MMP26: variants seen among roughly 807,000 people sequenced by gnomAD.
MMP26 encodes the protein matrix metallopeptidase 26.
MMP26 carries 33 observed loss-of-function variants against 31.0 expected under a neutral mutation model. The observed-to-expected ratio is 1.06, with a 90% confidence interval of 0.81 to 1.42. The LOEUF is 1.42. MMP26 is among the 40% of genes most tolerant of loss of function. MMP26 has a pLI of 0.00. For missense variants in MMP26, 347 were observed against 316.1 expected, an observed-to-expected ratio of 1.10 and a Z score of -0.74; for synonymous variants, 122 against 114.9, an observed-to-expected ratio of 1.06 and a Z score of -0.40.
intron 2 of MMP26, among the ~76,000 whole-genome samples, chr11:4,898,969 G>C: frequency 6.6e-6 from 1 of 151,962 alleles, no homozygotes; most frequent in Admixed American, 6.6e-5. Context: ...TGAGGCCTCT[G>C]TCAGTGCTAC....
At chr11:4,885,778 TATTATTCATTA>T (rs1268405433) in intron 2 of MMP26, among the ~76,000 whole-genome samples, 1 of 152,152 alleles carries the variant, frequency 6.6e-6, no homozygotes, top group East Asian at 1.9e-4. Context: ...ATTTACCTGC[TATTATTCATTA>T]TTCTCTATTA....
intron 2 of MMP26, among the ~76,000 whole-genome samples, chr11:4,791,724 A>T (rs1049644485): frequency 1.3e-5 from 2 of 152,164 alleles, no homozygotes; most frequent in African/African-American, 4.8e-5. Context: ...ATGCAAAATA[A>T]TATATAATGA....
At chr11:4,954,600 G>A (rs1451276408) in intron 2 of MMP26, among the ~76,000 whole-genome samples, 9 of 124,522 alleles carry the variant, frequency 7.2e-5, no homozygotes, top group African/African-American at 2.5e-4. Flanking sequence ...ATAAGGCAAC[G>A]TACTTCCTGG....
chr11:4,989,368 A>G (rs942286970), intron 3 of MMP26, among the ~76,000 whole-genome samples: 1 of 152,258 alleles, frequency 6.6e-6, no homozygotes, highest in Non-Finnish European at 1.5e-5. Context: ...TGTCGTTTAT[A>G]CTTGGGTTTC....
rs538618926 is a variant in MMP26 at position 4,976,566 on chromosome 11, G to A, written c.-144-11502G>A. Among the ~76,000 whole-genome samples the A allele has an allele frequency of 1.4e-4, 22 of 152,042 alleles. No individual in the cohort carries two copies. The East Asian group carries it at 2.3e-3, about 16-fold the overall frequency. On this transcript the variant is annotated intron_variant, in intron 2 of 7. Transcript: ENST00000380390. ...CCCAGGATAAAGCCACTCAAATCCC[G>A]GCTATTAGGCCCATGTATTGATCTT...
chr11:4,988,743 A>T (rs1336487419), intron 3 of MMP26, among the ~76,000 whole-genome samples: 1 of 152,202 alleles, frequency 6.6e-6, no homozygotes, highest in African/African-American at 2.4e-5. Flanking sequence ...TTCTAAAAAA[A>T]TTATGAATTT....
At chr11:4,814,042 T>C (rs563791679) in intron 2 of MMP26, among the ~76,000 whole-genome samples, 9 of 152,322 alleles carry the variant, frequency 5.9e-5, no homozygotes, top group Middle Eastern at 6.8e-3. Context: ...ATTATTATTA[T>C]TCAACATTAT....
At chr11:4,778,328 A>C (rs1299742120) in intron 2 of MMP26, among the ~76,000 whole-genome samples, 1 of 151,958 alleles carries the variant, frequency 6.6e-6, no homozygotes, top group Non-Finnish European at 1.5e-5. Flanking sequence ...CTTCGTCATG[A>C]CTTCATCATG....
At chr11:4,935,480 A>G (rs2133595061) in intron 2 of MMP26, among the ~76,000 whole-genome samples, 1 of 150,494 alleles carries the variant, frequency 6.6e-6, no homozygotes. Flanking sequence ...TTTTGGGCTG[A>G]GACAATGGGG....
At chr11:4,914,744 C>T (rs751931159) in intron 2 of MMP26, 18 of 1,612,366 alleles carry the variant, frequency 1.1e-5, no homozygotes, top group South Asian at 7.7e-5. Context: ...ATGCGTCACT[C>T]GATCCCGGAT....
chr11:4,709,194 T>C (rs1847824824), intron 1 of MMP26, among the ~76,000 whole-genome samples: 1 of 152,194 alleles, frequency 6.6e-6, no homozygotes, highest in Non-Finnish European at 1.5e-5. Context: ...GTTGTGTTTC[T>C]TATGGCTGTC....
chr11:4,988,812 G>A (rs1210500660), intron 3 of MMP26, among the ~76,000 whole-genome samples: 1 of 152,194 alleles, frequency 6.6e-6, no homozygotes, highest in Non-Finnish European at 1.5e-5. Context: ...TTGCAGTCAT[G>A]TATTTTGTAA....
intron 2 of MMP26, among the ~76,000 whole-genome samples, chr11:4,849,498 CCT>C (rs2133498673): frequency 1.3e-5 from 2 of 152,182 alleles, no homozygotes; most frequent in South Asian, 4.1e-4. Flanking sequence ...TTTTAGCTTG[CCT>C]CTCCCTGTAG....
intron 2 of MMP26, chr11:4,847,774 C>G (rs1234285212): frequency 6.5e-6 from 1 of 152,818 alleles, no homozygotes; most frequent in Non-Finnish European, 1.5e-5. Flanking sequence ...CCTCATGTAT[C>G]TAATTCCTAA....
intron 2 of MMP26, among the ~76,000 whole-genome samples, chr11:4,965,426 A>G (rs1368820): frequency 0.48 from 72,407 of 152,056 alleles, 18,476 homozygotes; most frequent in South Asian, 0.64. Context: ...TGGCTTTTAA[A>G]TGTCTGATTT....
At chr11:4,974,484 A>G (rs1479404705) in intron 2 of MMP26, among the ~76,000 whole-genome samples, 1 of 152,086 alleles carries the variant, frequency 6.6e-6, no homozygotes, top group Admixed American at 6.5e-5. Context: ...AGGATTTTAC[A>G]AAATTTATTT....
At position 4,989,882 on chromosome 11, in the gene MMP26, A is replaced by G. The variant is rs759419619; in HGVS notation, c.320+14A>G. On this transcript the variant is annotated intron_variant, in intron 4 of 7. Coordinates refer to ENST00000380390, the MANE Select transcript of MMP26 (RefSeq NM_021801.5). ...TCTAACTTACAGGTGCTTGTTACTA[A>G]GGCCTAGAGGATAATGTGTGGGGTG... The G allele has an allele frequency of 5.6e-6, 9 of 1,595,364 alleles. No homozygotes were observed. In the Admixed American group the frequency reaches 1.5e-4, roughly 27 times the overall value.
intron 1 of MMP26, among the ~76,000 whole-genome samples, chr11:4,713,178 C>T (rs1227454197): frequency 6.6e-6 from 1 of 152,048 alleles, no homozygotes; most frequent in Non-Finnish European, 1.5e-5. Context: ...AGGTGCCTGA[C>T]TTCCTCAGCT....
At chr11:4,908,455 A>T (rs1236800382) in intron 2 of MMP26, 2 of 728,108 alleles carry the variant, frequency 2.7e-6, no homozygotes, top group East Asian at 2.7e-5. Flanking sequence ...AAAGTTGAGA[A>T]TATAACTGAA....
Sources: gnomAD v4.1 joint callset for allele counts (sites outside exome capture counted in the v4.1 genomes callset) on GRCh38, gnomAD v4.1.1 for gene constraint, MANE v1.5 for transcripts, NCBI Gene and HGNC (gene_info 2026-07-23, HGNC 2026-07-21) for gene names.